CPEB1: variants seen among roughly 807,000 people sequenced by gnomAD.
CPEB1 encodes cytoplasmic polyadenylation element binding protein 1.
In CPEB1, 7 loss-of-function variants were observed where a neutral mutation model predicts 65.8. The ratio of observed to expected loss-of-function variants is 0.11; its 90% CI spans 0.06 to 0.20. The LOEUF is 0.20. Among genes scored for constraint, CPEB1 ranks in the 10% least tolerant of loss-of-function variants. The probability of loss-of-function intolerance (pLI) is 1.00; values close to 1 mark genes in which losing one functional copy is unlikely to be tolerated. For missense variants in CPEB1, 551 were observed against 712.2 expected, an observed-to-expected ratio of 0.77 and a Z score of 2.58; for synonymous variants, 262 against 260.0, an observed-to-expected ratio of 1.01 and a Z score of -0.08.
intron 3 of CPEB1, among the ~76,000 whole-genome samples, chr15:82,626,607 T>G (rs1412361620): frequency 6.6e-5 from 10 of 152,302 alleles, no homozygotes; most frequent in African/African-American, 1.9e-4. Context: ...CTATCTCCAC[T>G]ATTCCTTGGA....
chr15:82,594,250 C>G (rs1434456452), intron 3 of CPEB1, among the ~76,000 whole-genome samples: 1 of 152,190 alleles, frequency 6.6e-6, no homozygotes, highest in Admixed American at 6.5e-5. Context: ...TACCAATGAT[C>G]TTAGCTAGAT....
chr15:82,574,201 A>G lies in CPEB1; in HGVS notation c.272-2669T>C, dbSNP rs140321321. On this transcript the variant is annotated intron_variant, in intron 3 of 12. Coordinates refer to ENST00000684509, the MANE Select transcript of CPEB1 (RefSeq NM_001365242.1). ...TTCCTCAATCTGTTGTTTCTTCTAG[A>G]TAAAGATTTTCACTACCATTGTAGG... Among the ~76,000 whole-genome samples, 8 of 152,254 alleles carry G rather than the reference A, an allele frequency of 5.3e-5. No homozygotes were observed. The East Asian group carries it at 1.5e-3, about 29-fold the overall frequency.
chr15:82,582,212 G>A (rs990814658), intron 3 of CPEB1, among the ~76,000 whole-genome samples: 23 of 152,170 alleles, frequency 1.5e-4, no homozygotes, highest in African/African-American at 4.6e-4. Flanking sequence ...TATCAACAGC[G>A]TTCCAACATA....
intron 3 of CPEB1, among the ~76,000 whole-genome samples, chr15:82,573,755 C>T (rs369734209): frequency 6.6e-6 from 1 of 152,136 alleles, no homozygotes; most frequent in Non-Finnish European, 1.5e-5. Context: ...TCAGGCCCCA[C>T]CCAAGACCGA....
chr15:82,552,732 TTTTG>T (rs1317932293), intron 8 of CPEB1, 116 bp from the exon 9 acceptor site: 9 of 1,216,424 alleles, frequency 7.4e-6, no homozygotes, highest in Non-Finnish European at 1.1e-5. Context: ...TAAGATACAT[TTTTG>T]TTTTACTCCT....
At chr15:82,574,721 T>TAAAAAAAA (rs1260826537) in intron 3 of CPEB1, among the ~76,000 whole-genome samples, 1 of 19,468 alleles carries the variant, frequency 5.1e-5, no homozygotes, top group Non-Finnish European at 8.5e-5. Flanking sequence ...AGACTCGGTC[T>TAAAAAAAA]CAAAAAAAAA....
chr15:82,598,013 C>A (rs2042793824), intron 3 of CPEB1, among the ~76,000 whole-genome samples: 1 of 152,228 alleles, frequency 6.6e-6, no homozygotes, highest in African/African-American at 2.4e-5. Flanking sequence ...GGTTCTACTA[C>A]TTCACCTGTG....
upstream of CPEB1, chr15:82,647,533 G>A (rs2047678800): frequency 3.6e-6 from 1 of 279,254 alleles, no homozygotes; most frequent in Non-Finnish European, 6.7e-6. Context: ...GCTCCTTTAT[G>A]TCCGGTCAGC....
chr15:82,627,216 C>A lies in CPEB1; in HGVS notation c.248G>T (p.Arg83Leu). Residue 83 changes from arginine to leucine, a missense_variant, in exon 3 of 13, where the codon CGA becomes CTA. Physicochemically the swap from Arg to Leu is moderately radical, Grantham distance 102. Coordinates refer to ENST00000684509, the MANE Select transcript of CPEB1 (RefSeq NM_001365242.1). Reference protein sequence around the residue: ...FSRVCTTPINRGIHDHLPDFQ... With the variant: ...FSRVCTTPINLGIHDHLPDFQ... ...ACCTGGCAAATGATCATGAATTCCT[C>A]GGTTTATAGGTGTAGTGCAGACTCT... 1 of 1,608,442 alleles carries A rather than the reference C, an allele frequency of 6.2e-7. No homozygotes were observed. The highest frequency in any genetic ancestry group is 8.5e-7 in the Non-Finnish European group (1 of 1,178,174).
intron 1 of CPEB1, among the ~76,000 whole-genome samples, chr15:82,643,854 G>C (rs184166175): frequency 5.9e-5 from 9 of 152,178 alleles, no homozygotes; most frequent in Non-Finnish European, 1.3e-4. Flanking sequence ...ATTCTTCCTG[G>C]AAATCTAAGA....
chr15:82,589,007 TCCC>T (rs999059223), intron 3 of CPEB1, among the ~76,000 whole-genome samples: 2 of 152,106 alleles, frequency 1.3e-5, no homozygotes, highest in African/African-American at 4.8e-5. Flanking sequence ...GACTCCTCTC[TCCC>T]CCATTCCCCG....
chr15:82,632,692 T>A (rs557985613), intron 1 of CPEB1, among the ~76,000 whole-genome samples: 1 of 151,740 alleles, frequency 6.6e-6, no homozygotes, highest in African/African-American at 2.4e-5. Context: ...TTTTTTTTTT[T>A]AACTTTTTTT....
At chr15:82,598,927 A>T (rs1217715417) in intron 3 of CPEB1, among the ~76,000 whole-genome samples, 2 of 152,214 alleles carry the variant, frequency 1.3e-5, no homozygotes, top group Non-Finnish European at 2.9e-5. Flanking sequence ...ATAAATATAT[A>T]CACCTACTGT....
chr15:82,644,176 AAC>A (rs1314593167), intron 1 of CPEB1, among the ~76,000 whole-genome samples: 1 of 152,108 alleles, frequency 6.6e-6, no homozygotes, highest in Non-Finnish European at 1.5e-5. Context: ...CTGCTGTACT[AAC>A]ACTCAGAAGA....
At chr15:82,630,043 T>C (rs996365609) in intron 1 of CPEB1, 15 of 985,278 alleles carry the variant, frequency 1.5e-5, no homozygotes, top group Non-Finnish European at 1.8e-5. Context: ...TTTTCACAAC[T>C]GTAGATTTCT....
At chr15:82,589,729 A>T (rs1021475252) in intron 3 of CPEB1, among the ~76,000 whole-genome samples, 1 of 152,178 alleles carries the variant, frequency 6.6e-6, no homozygotes, top group Non-Finnish European at 1.5e-5. Flanking sequence ...TCCAAAAAAA[A>T]AAAAAATTGT....
chr15:82,575,834 A>C (rs1267754611), intron 3 of CPEB1, among the ~76,000 whole-genome samples: 3 of 152,168 alleles, frequency 2.0e-5, no homozygotes, highest in African/African-American at 7.2e-5. Flanking sequence ...CGTAAATGGT[A>C]CATCCACCTT....
intron 3 of CPEB1, 117 bp downstream of exon 3, chr15:82,627,076 T>C (rs1280189466): frequency 1.3e-6 from 1 of 777,444 alleles, no homozygotes; most frequent in Non-Finnish European, 1.9e-6. Flanking sequence ...AGGCAAGTAT[T>C]GCCAGCAACT....
chr15:82,613,547 G>A (rs369962997), intron 3 of CPEB1, among the ~76,000 whole-genome samples: 90 of 151,998 alleles, frequency 5.9e-4, no homozygotes, highest in African/African-American at 2.0e-3. Context: ...CACCACACCC[G>A]GCTTTTCATA....
Sources: allele counts gnomAD v4.1 joint callset (sites outside exome capture counted in the v4.1 genomes callset), GRCh38; gene constraint gnomAD v4.1.1; transcripts MANE v1.5; gene names NCBI Gene and HGNC (gene_info 2026-07-23, HGNC 2026-07-21).